JPH2: variants seen among roughly 807,000 people sequenced by gnomAD.
JPH2 encodes the protein junctophilin 2, also known as junctophilin-2.
Under a neutral mutation model 55.9 loss-of-function variants are expected in JPH2, and 38 were observed. The observed-to-expected ratio is 0.68, with a 90% CI of 0.52 to 0.89. JPH2 has a LOEUF of 0.89. JPH2 is among the 40% of genes least tolerant of loss of function. The pLI is 0.00. For missense variants in JPH2, 964 were observed against 1,037.6 expected (o/e 0.93, Z 0.97); for synonymous variants, 480 against 472.4 (o/e 1.02, Z -0.21).
intron 2 of JPH2, among the ~76,000 whole-genome samples, chr20:44,127,821 T>G (rs549719127): frequency 6.6e-6 from 1 of 152,266 alleles, no homozygotes; most frequent in African/African-American, 2.4e-5. Context: ...ATACTAGAGG[T>G]TTGGGAAGTG....
chr20:44,178,049 G>A (rs932760996), intron 1 of JPH2: 5 of 789,362 alleles, frequency 6.3e-6, no homozygotes, highest in Non-Finnish European at 9.4e-6. Context: ...AACCGGCACA[G>A]CTGGGATTTG....
chr20:44,117,733 T>C (rs1303275716), intron 3 of JPH2, among the ~76,000 whole-genome samples: 1 of 152,190 alleles, frequency 6.6e-6, no homozygotes, highest in African/African-American at 2.4e-5. Flanking sequence ...AGGGCAGCCT[T>C]CTCTAACACT....
In JPH2 at chr20:44,160,919, CA is replaced by C. The variant is rs2072605758; in HGVS notation, c.380-513del. Among the ~76,000 whole-genome samples the C allele has an allele frequency of 6.6e-6, 1 of 152,148 alleles. No homozygotes were observed. The highest frequency in any genetic ancestry group is 1.5e-5 in the Non-Finnish European group (1 of 67,998). ...GGCAACATGGTGAAACCTCTCTCTA[CA>C]AAAAAATTAGTCAGGCGTGGTGGCA... On this transcript the variant is annotated intron_variant, in intron 1 of 5. Transcript: ENST00000372980. This position sits in a 1 kb window ranked among gnomAD's most constrained non-coding sequence, Gnocchi z 4.9.
Position 44,160,182 on chromosome 20 carries a change from A to G in JPH2, c.605T>C (p.Leu202Pro), listed in dbSNP as rs2145879452. ...SPAIPRGGFA[L>P]SLLANAEAAA... is the part of the protein sequence containing the mutation. ...CGCCTCGGCATTGGCCAGGAGGCTG[A>G]GCGCGAAGCCGCCACGCGGGATGGC... is the stretch of plus-strand genomic sequence containing the variant. The change falls in exon 2 of 6, where the codon CTC becomes CCC. Residue 202 changes from leucine (L) to proline (P), a missense_variant. Transcript: ENST00000372980. This position sits in a 1 kb window ranked among gnomAD's most constrained non-coding sequence, Gnocchi z 4.9. 1 of 1,400,380 alleles carries G rather than the reference A, an allele frequency of 7.1e-7. No individual in the cohort carries two copies. The highest frequency in any genetic ancestry group is 9.2e-7 in the Non-Finnish European group (1 of 1,086,926). The allele number at this position is 1,400,380 out of a possible 1,614,324, so 86.7% of individuals were successfully genotyped here. A position where few individuals can be genotyped will look rare whatever the true frequency, so the allele number is the denominator to read the frequency against.
chr20:44,162,958 C>T lies in JPH2; in HGVS notation c.380-2551G>A, dbSNP rs181475010. Among the ~76,000 whole-genome samples, 478 of 151,548 alleles carry T rather than the reference C, an allele frequency of 3.2e-3. 6 individuals are homozygous for T. The highest frequency in any genetic ancestry group is 0.028 in the East Asian group (143 of 5,146). ...CCCATAAATATTTAATATATACATC[C>T]ATTATGAACCCACAAAATTTTTTCC... is the stretch of plus-strand genomic sequence containing the variant. On this transcript the variant is annotated intron_variant, in intron 1 of 5. Coordinates refer to ENST00000372980, the MANE Select transcript of JPH2 (RefSeq NM_020433.5).
intron 2 of JPH2, among the ~76,000 whole-genome samples, chr20:44,137,610 G>A (rs942176668): frequency 1.8e-4 from 28 of 152,244 alleles, no homozygotes; most frequent in African/African-American, 6.5e-4. Context: ...GAAGCCACCA[G>A]GCGGGGCCGA....
chr20:44,114,200 G>T (rs2072168397), intron 5 of JPH2, among the ~76,000 whole-genome samples: 1 of 152,060 alleles, frequency 6.6e-6, no homozygotes, highest in East Asian at 1.9e-4. Flanking sequence ...GCTCCATCAT[G>T]GGGAAAAAAC....
chr20:44,187,083 C>A lies in JPH2; in HGVS notation c.-378G>T. The A allele has an allele frequency of 4.6e-6, 1 of 216,542 alleles. No individual in the cohort carries two copies. The highest frequency in any genetic ancestry group is 9.1e-6 in the Non-Finnish European group (1 of 109,306). 13.4% of individuals were successfully genotyped at this position (216,542 alleles called of 1,614,324 possible). A position where few individuals can be genotyped will look rare whatever the true frequency, so the allele number is the denominator to read the frequency against. On this transcript the variant is annotated 5_prime_UTR_variant, in exon 1 of 6. Coordinates refer to ENST00000372980, the MANE Select transcript of JPH2 (RefSeq NM_020433.5). ...AAGGGTGGGGTGGAGGGGTCCCCAG[C>A]CTTTTCAAAGAGGGGAAATTCCCCT...
At chr20:44,134,832 CATAAAT>C (rs1489789021) in intron 2 of JPH2, among the ~76,000 whole-genome samples, 5 of 78,136 alleles carry the variant, frequency 6.4e-5, no homozygotes, top group South Asian at 3.6e-4. Context: ...TATAAATATA[CATAAAT>C]ATATGTTTAT....
Position 44,186,539 on chromosome 20 carries a change from C to T in JPH2, c.167G>A (p.Ser56Asn). Residue 56 changes from serine (S) to asparagine (N), a missense_variant, in exon 1 of 6, where the codon AGC becomes AAC. Ser to Asn is a conservative substitution (Grantham distance 46). Coordinates refer to ENST00000372980, the MANE Select transcript of JPH2 (RefSeq NM_020433.5). Reference sequence around the variant, plus strand: ...CCAGTATCCCTCAAAGGTGTTTCCGCTGGGCCAGGTGTAGACACCTGCCAC... The same window carrying T: ...CCAGTATCCCTCAAAGGTGTTTCCGTTGGGCCAGGTGTAGACACCTGCCAC... Reference protein sequence around the residue: ...FEVAGVYTWPSGNTFEGYWSQ... With the variant: ...FEVAGVYTWPNGNTFEGYWSQ... 2 of 1,613,838 alleles carry T rather than the reference C, an allele frequency of 1.2e-6. No individual in the cohort carries two copies. Among genetic ancestry groups the T allele is most frequent in the Non-Finnish European group, 8.5e-7 (1 of 1,179,740 alleles).
In JPH2 at chr20:44,115,801, T is replaced by C. The variant is rs1202732363; in HGVS notation, c.1874A>G (p.Lys625Arg). Residue 625 changes from lysine (K) to arginine (R), a missense_variant, in exon 4 of 6, where the codon AAG becomes AGG. By Grantham distance (26) the Lys-to-Arg change is conservative. Coordinates refer to ENST00000372980, the MANE Select transcript of JPH2 (RefSeq NM_020433.5). ...ARETPAKLEP[K>R]PIIPKAEPRA... ...GGGCTCGGCTTTGGGGATGATGGGC[T>C]TGGGCTCCAGCTTGGCGGGGGTCTC... 1 of 1,607,994 alleles carries C rather than the reference T, an allele frequency of 6.2e-7. No individual in the cohort carries two copies. Among genetic ancestry groups the C allele is most frequent in the South Asian group, 1.1e-5 (1 of 91,052 alleles).
chr20:44,169,388 C>A (rs1325549196), intron 1 of JPH2, among the ~76,000 whole-genome samples: 2 of 152,088 alleles, frequency 1.3e-5, no homozygotes, highest in Non-Finnish European at 2.9e-5. Flanking sequence ...CTGTATTGGC[C>A]AGGCTAGTCT....
intron 4 of JPH2, 109 bp from the exon 5 acceptor site, chr20:44,114,985 A>C (rs139275901): frequency 2.3e-5 from 19 of 816,032 alleles, no homozygotes; most frequent in Non-Finnish European, 3.1e-5. Flanking sequence ...GGACCTTCCT[A>C]AGAGCATTGC....
intron 2 of JPH2, among the ~76,000 whole-genome samples, chr20:44,134,780 A>G (rs1341070117): frequency 6.0e-5 from 6 of 100,512 alleles, no homozygotes; most frequent in South Asian, 3.2e-4. Flanking sequence ...ATATTTATAA[A>G]TATACATAAA....
intron 3 of JPH2, 128 bp from the exon 4 acceptor site, chr20:44,116,514 G>T: frequency 9.6e-7 from 1 of 1,041,464 alleles, no homozygotes; most frequent in Non-Finnish European, 1.4e-6. Flanking sequence ...CTGACCAAGT[G>T]CCAGGCACTG....
intron 2 of JPH2, among the ~76,000 whole-genome samples, chr20:44,124,929 G>T (rs570663793): frequency 6.6e-6 from 1 of 151,892 alleles, no homozygotes; most frequent in African/African-American, 2.4e-5. Flanking sequence ...CCAACATGCC[G>T]AAACCCTGTC....
chr20:44,160,001 G>T lies in JPH2; in HGVS notation c.786C>A (p.Ser262=). Residue 262 remains serine, a synonymous_variant, in exon 2 of 6, where the codon TCC becomes TCA. Transcript: ENST00000372980. The surrounding 1 kb of genome is among the most constrained non-coding windows in gnomAD (Gnocchi z 4.9). ...CGGCGGCCTCTCCCAGGCTGGCGGT[G>T]GACGCGGCGTCGCTGGCGCCCGAGC... ...DLSSGASDAA[S]TASLGEAAEG... 1 of 1,580,158 alleles carries T rather than the reference G, an allele frequency of 6.3e-7. No homozygotes were observed. Among genetic ancestry groups the T allele is most frequent in the East Asian group, 2.3e-5 (1 of 43,448 alleles).
At chr20:44,128,624 T>C (rs985076875) in intron 2 of JPH2, among the ~76,000 whole-genome samples, 4 of 151,990 alleles carry the variant, frequency 2.6e-5, no homozygotes, top group Non-Finnish European at 5.9e-5. Context: ...TCAAAGAAAA[T>C]TTTGGAAAAT....
intron 1 of JPH2, among the ~76,000 whole-genome samples, chr20:44,182,887 G>A (rs577171200): frequency 6.6e-6 from 1 of 152,276 alleles, no homozygotes; most frequent in Admixed American, 6.5e-5. Flanking sequence ...CAGTAGTACT[G>A]GTTGCATGAA....
Sources: allele counts gnomAD v4.1 joint callset (sites outside exome capture counted in the v4.1 genomes callset), GRCh38; gene constraint gnomAD v4.1.1; non-coding constraint Gnocchi (gnomAD v3.1); transcripts MANE v1.5; gene names NCBI Gene and HGNC (gene_info 2026-07-23, HGNC 2026-07-21).